Variants in TANC2 observed in about 807,000 individuals in gnomAD.
TANC2 encodes the protein protein TANC2.
Under a neutral mutation model 210.5 loss-of-function variants are expected in TANC2, and 26 were observed. That is an observed-to-expected ratio of 0.12 (90% CI 0.09 to 0.17). TANC2 has a LOEUF of 0.17. Ranked by LOEUF, TANC2 falls within the 10% of genes least tolerant of loss-of-function variation. The pLI, the probability that TANC2 is intolerant of heterozygous loss-of-function variation, is 1.00. For synonymous variants in TANC2, 931 were observed against 967.1 expected (o/e 0.96, Z 0.69); for missense variants, 2,129 against 2,608.9 (o/e 0.82, Z 4.01).
chr17:62,995,006 TGC>T (rs1568303062), intron 1 of TANC2, among the ~76,000 whole-genome samples: 3 of 152,238 alleles, frequency 2.0e-5, no homozygotes, highest in Non-Finnish European at 4.4e-5. Flanking sequence ...TGAAAGATGA[TGC>T]AATACTTTGG....
In TANC2 at chr17:62,980,399, C is replaced by G. The variant is rs189497097; in HGVS notation, c.-24+13650C>G. Among the ~76,000 whole-genome samples, 3 of 152,226 alleles carry G rather than the reference C, an allele frequency of 2.0e-5. No individual in the cohort carries two copies. The East Asian group carries it at 5.8e-4, about 29-fold the overall frequency. On this transcript the variant is annotated intron_variant, in intron 1 of 27. Coordinates refer to ENST00000689528, the Ensembl canonical transcript of TANC2. ...ATCTGAAATGCTCTAAAATTAGAAA[C>G]TTTTTGAGTGCTGACATGACAACTC...
chr17:63,048,505 TCA>T (rs1186071090), intron 2 of TANC2, among the ~76,000 whole-genome samples: 1 of 152,188 alleles, frequency 6.6e-6, no homozygotes, highest in African/African-American at 2.4e-5. Flanking sequence ...GGATCCAGTT[TCA>T]GTCTTCTTCA....
chr17:63,161,277 G>A (rs982796910), intron 5 of TANC2, among the ~76,000 whole-genome samples: 6 of 152,050 alleles, frequency 3.9e-5, no homozygotes, highest in Non-Finnish European at 7.4e-5. Flanking sequence ...TGGGAGGATC[G>A]CTTGAACCCA....
intron 5 of TANC2, among the ~76,000 whole-genome samples, chr17:63,176,517 G>GA (rs954359410): frequency 6.6e-6 from 1 of 152,028 alleles, no homozygotes; most frequent in Non-Finnish European, 1.5e-5. Flanking sequence ...TAAAATAACA[G>GA]AAAAAAGGCC....
chr17:63,240,355 CTA>C (rs1165808877), intron 8 of TANC2, among the ~76,000 whole-genome samples: 1 of 152,180 alleles, frequency 6.6e-6, no homozygotes, highest in African/African-American at 2.4e-5. Flanking sequence ...TAATTCAGGG[CTA>C]TGAGTCTTGG....
chr17:63,235,077 G>A (rs911984529), intron 7 of TANC2, among the ~76,000 whole-genome samples: 8 of 151,722 alleles, frequency 5.3e-5, no homozygotes, highest in Non-Finnish European at 7.4e-5. Context: ...TTTTTTACCA[G>A]TTATCAAAAA....
intron 11 of TANC2, among the ~76,000 whole-genome samples, chr17:63,325,989 C>T (rs2045633650): frequency 6.6e-6 from 1 of 152,200 alleles, no homozygotes; most frequent in Non-Finnish European, 1.5e-5. Context: ...GCCCTAACCT[C>T]CTTTGGCTCA....
chr17:63,240,902 A>T (rs1359854358), intron 8 of TANC2, among the ~76,000 whole-genome samples: 1 of 152,124 alleles, frequency 6.6e-6, no homozygotes, highest in African/African-American at 2.4e-5. Context: ...ACTTTGTGTT[A>T]TGTGCAGCTA....
chr17:63,033,449 C>T (rs997989642), intron 2 of TANC2, among the ~76,000 whole-genome samples: 6 of 152,122 alleles, frequency 3.9e-5, no homozygotes, highest in African/African-American at 1.4e-4. Context: ...CTCTTAGTAG[C>T]TCTTGTGTCT....
intron 4 of TANC2, among the ~76,000 whole-genome samples, chr17:63,101,727 C>T (rs1219139756): frequency 1.3e-5 from 2 of 152,108 alleles, no homozygotes; most frequent in Admixed American, 6.6e-5. Context: ...ATGGTGGCAA[C>T]TACTACAAAG....
chr17:63,110,899 G>A (rs1338260869), intron 4 of TANC2, among the ~76,000 whole-genome samples: 3 of 152,198 alleles, frequency 2.0e-5, no homozygotes, highest in African/African-American at 7.2e-5. Flanking sequence ...GGTTGAAACC[G>A]TGACTTTGCT....
intron 13 of TANC2, among the ~76,000 whole-genome samples, chr17:63,354,482 T>A (rs918694664): frequency 5.3e-5 from 8 of 152,204 alleles, no homozygotes; most frequent in Non-Finnish European, 1.0e-4. Flanking sequence ...AAAAGAGTTA[T>A]ACAGTGCTCC....
intron 11 of TANC2, among the ~76,000 whole-genome samples, chr17:63,327,130 C>T (rs1449874950): frequency 6.6e-6 from 1 of 152,188 alleles, no homozygotes; most frequent in African/African-American, 2.4e-5. Flanking sequence ...AAAAAATGCT[C>T]AGCATAACTA....
At chr17:63,098,447 C>A (rs2037473409) in intron 3 of TANC2, among the ~76,000 whole-genome samples, 1 of 76,826 alleles carries the variant, frequency 1.3e-5, no homozygotes, top group South Asian at 3.6e-4. Flanking sequence ...CACACACACA[C>A]ACACACACAC....
intron 2 of TANC2, among the ~76,000 whole-genome samples, chr17:63,028,393 T>G (rs1298120341): frequency 6.6e-6 from 1 of 152,130 alleles, no homozygotes; most frequent in African/African-American, 2.4e-5. Context: ...TTTTTACATG[T>G]ATGCCTCCAC....
At chr17:63,018,661 T>G (rs1195660915) in intron 2 of TANC2, among the ~76,000 whole-genome samples, 1 of 152,194 alleles carries the variant, frequency 6.6e-6, no homozygotes, top group East Asian at 1.9e-4. Flanking sequence ...GACATTTCCA[T>G]CACCACAAGG....
chr17:63,224,246 G>A lies in TANC2; in HGVS notation c.770-13568G>A, dbSNP rs1053954293. ...GCACCCTGGTTGCTCTCCCAGACTT[G>A]CTGATTTTTTTTTTTTTTTTTTTGA... is the stretch of plus-strand genomic sequence containing the variant. On this transcript the variant is annotated intron_variant, in intron 7 of 27. Coordinates refer to ENST00000689528, the Ensembl canonical transcript of TANC2. Among the ~76,000 whole-genome samples the A allele has an allele frequency of 3.5e-5, 5 of 143,736 alleles. No homozygotes were observed. In the East Asian group the frequency reaches 7.9e-4, roughly 23 times the overall value. The allele number at this position is 143,736 out of a possible 152,430, so 94.3% of individuals were successfully genotyped here. A position where few individuals can be genotyped will look rare whatever the true frequency, so the allele number is the denominator to read the frequency against.
At chr17:63,334,408 A>T (rs1193875717) in intron 11 of TANC2, among the ~76,000 whole-genome samples, 1 of 152,196 alleles carries the variant, frequency 6.6e-6, no homozygotes, top group Non-Finnish European at 1.5e-5. Context: ...TTAATATAGT[A>T]TTGAATTATA....
chr17:63,210,234 G>A (rs995448251), intron 7 of TANC2, among the ~76,000 whole-genome samples: 13 of 152,184 alleles, frequency 8.5e-5, no homozygotes, highest in African/African-American at 2.9e-4. Context: ...TTTCCCTGCT[G>A]GGATGACTCT....
Sources: allele counts gnomAD v4.1 joint callset (sites outside exome capture counted in the v4.1 genomes callset), GRCh38; gene constraint gnomAD v4.1.1; transcripts MANE v1.5; gene names NCBI Gene and HGNC (gene_info 2026-07-23, HGNC 2026-07-21).